Variants in TOP6BL observed in about 807,000 individuals in gnomAD.
TOP6BL encodes TOP6B like initiator of meiotic double strand breaks.
At chr11:66,813,110 A>T in the TOP6BL span, among the ~76,000 whole-genome samples, 1 of 152,198 alleles carries the variant, frequency 6.6e-6, no homozygotes, top group African/African-American at 2.4e-5. Flanking sequence ...ACTTCCTAGA[A>T]GATATTCTCT....
At chr11:66,827,844 A>G in the TOP6BL span, among the ~76,000 whole-genome samples, 1 of 151,818 alleles carries the variant, frequency 6.6e-6, no homozygotes, top group African/African-American at 2.4e-5. Flanking sequence ...GCATGCCTGT[A>G]GTCCCAGCTA....
chr11:66,841,378 A>G, the TOP6BL span, among the ~76,000 whole-genome samples: 1 of 151,972 alleles, frequency 6.6e-6, no homozygotes, highest in East Asian at 1.9e-4. Flanking sequence ...GGCCCCCCAA[A>G]GTGCTGGGAT....
chr11:66,822,997 T>TA, the TOP6BL span, among the ~76,000 whole-genome samples: 2,456 of 131,292 alleles, frequency 0.019, 41 homozygotes, highest in East Asian at 0.079. Context: ...AGACCTGTCT[T>TA]AAAAAAAAAA....
At chr11:66,800,540 A>T in the TOP6BL span, 4 of 900,040 alleles carry the variant, frequency 4.4e-6, no homozygotes, top group Non-Finnish European at 5.0e-6. Flanking sequence ...TTAATTTAAA[A>T]TTTTTTAAGC....
the TOP6BL span, among the ~76,000 whole-genome samples, chr11:66,805,603 T>G: frequency 6.6e-6 from 1 of 151,996 alleles, no homozygotes; most frequent in Non-Finnish European, 1.5e-5. Context: ...CACAGGTGCA[T>G]GCCACCATGC....
chr11:66,767,504 T>G, the TOP6BL span, among the ~76,000 whole-genome samples: 2 of 152,230 alleles, frequency 1.3e-5, no homozygotes, highest in African/African-American at 2.4e-5. Flanking sequence ...TCTATTCATA[T>G]TATTTTTATT....
chr11:66,787,209 C>A, the TOP6BL span, among the ~76,000 whole-genome samples: 1 of 151,464 alleles, frequency 6.6e-6, no homozygotes, highest in Non-Finnish European at 1.5e-5. Flanking sequence ...GCTGGAATTA[C>A]AGACGTGAGC....
the TOP6BL span, chr11:66,839,143 C>T: frequency 2.2e-6 from 1 of 456,284 alleles, no homozygotes; most frequent in Non-Finnish European, 4.4e-6. Context: ...GCTTAAACAG[C>T]CTTCCCAGCC....
chr11:66,833,071 C>T, the TOP6BL span, among the ~76,000 whole-genome samples: 7 of 138,988 alleles, frequency 5.0e-5, no homozygotes, highest in Non-Finnish European at 7.7e-5. Context: ...TTTTTGACAC[C>T]GAGTCTTGCT....
chr11:66,842,900 T>A, the TOP6BL span: 1 of 1,573,930 alleles, frequency 6.4e-7, no homozygotes. Context: ...AGCCCCCGCA[T>A]AGAGGAGATG....
At chr11:66,788,663 T>C in the TOP6BL span, among the ~76,000 whole-genome samples, 2 of 152,232 alleles carry the variant, frequency 1.3e-5, no homozygotes, top group Non-Finnish European at 2.9e-5. Context: ...ACTACTGCCT[T>C]GTCACTGTGT....
At chr11:66,825,588 T>C in the TOP6BL span, among the ~76,000 whole-genome samples, 15 of 151,914 alleles carry the variant, frequency 9.9e-5, no homozygotes, top group African/African-American at 3.4e-4. Context: ...AGGAGGGCCC[T>C]CACCAGAACC....
the TOP6BL span, among the ~76,000 whole-genome samples, chr11:66,812,466 G>A: frequency 1.6e-3 from 236 of 152,176 alleles, no homozygotes; most frequent in African/African-American, 5.5e-3. Flanking sequence ...GTGAGCCACC[G>A]CGCCTGGCCC....
the TOP6BL span, among the ~76,000 whole-genome samples, chr11:66,795,199 A>C: frequency 6.6e-6 from 1 of 152,032 alleles, no homozygotes; most frequent in Non-Finnish European, 1.5e-5. Flanking sequence ...GATTATTGTG[A>C]GGTAGTATAT....
the TOP6BL span, among the ~76,000 whole-genome samples, chr11:66,817,607 T>G: frequency 6.6e-6 from 1 of 151,930 alleles, no homozygotes; most frequent in Non-Finnish European, 1.5e-5. Context: ...CCTGGCTAAT[T>G]TTTGTATTTT....
At chr11:66,824,151 A>C in the TOP6BL span, among the ~76,000 whole-genome samples, 29 of 152,158 alleles carry the variant, frequency 1.9e-4, no homozygotes, top group Non-Finnish European at 4.1e-4. Context: ...TTGAAATCCT[A>C]ACCCCCGAAC....
the TOP6BL span, among the ~76,000 whole-genome samples, chr11:66,800,855 A>T: frequency 6.6e-6 from 1 of 152,186 alleles, no homozygotes; most frequent in African/African-American, 2.4e-5. Flanking sequence ...ATTTTAGTAG[A>T]TTCATCCCTG....
At chr11:66,813,674 A>G in the TOP6BL span, among the ~76,000 whole-genome samples, 1 of 151,996 alleles carries the variant, frequency 6.6e-6, no homozygotes, top group South Asian at 2.1e-4. Flanking sequence ...TGGAGGTTGC[A>G]GTGAGCTGAG....
At chr11:66,821,611 T>A in the TOP6BL span, 1 of 1,568,674 alleles carries the variant, frequency 6.4e-7, no homozygotes, top group Non-Finnish European at 8.7e-7. Context: ...GAGGTAGATA[T>A]AGTGATAATT....
Sources: allele counts gnomAD v4.1 joint callset (sites outside exome capture counted in the v4.1 genomes callset), GRCh38; gene constraint gnomAD v4.1.1; transcripts MANE v1.5; gene names NCBI Gene and HGNC (gene_info 2026-07-23, HGNC 2026-07-21).